Variants in ADAMTS6 observed in about 807,000 individuals in gnomAD.
ADAMTS6 encodes the protein ADAM metallopeptidase with thrombospondin type 1 motif 6.
In ADAMTS6, 23 loss-of-function variants were observed where a neutral mutation model predicts 144.3. The observed-to-expected ratio is 0.16, with a 90% CI of 0.11 to 0.23. ADAMTS6 has a LOEUF of 0.23. Ranked by LOEUF, ADAMTS6 falls within the 10% of genes least tolerant of loss-of-function variation. The probability of loss-of-function intolerance (pLI) is 1.00; values close to 1 mark genes in which losing one functional copy is unlikely to be tolerated. For missense variants in ADAMTS6, 999 were observed against 1,379.6 expected (o/e 0.72, Z 4.37); for synonymous variants, 444 against 457.5 (o/e 0.97, Z 0.38).
At chr5:65,242,348 CA>C in intron 14 of ADAMTS6, 142 bp from the exon 15 acceptor site, 8 of 526,696 alleles carry the variant, frequency 1.5e-5, no homozygotes, top group Non-Finnish European at 2.6e-5. Flanking sequence ...TACTGTTTTA[CA>C]ATCCGTATTC....
intron 7 of ADAMTS6, among the ~76,000 whole-genome samples, chr5:65,411,578 A>T (rs927064449): frequency 6.6e-6 from 1 of 152,104 alleles, no homozygotes; most frequent in Non-Finnish European, 1.5e-5. Flanking sequence ...TGGTCCCTGT[A>T]TGTCTCAAAC....
chr5:65,370,872 C>G (rs1365333721), intron 7 of ADAMTS6, among the ~76,000 whole-genome samples: 2 of 152,218 alleles, frequency 1.3e-5, no homozygotes, highest in African/African-American at 2.4e-5. Flanking sequence ...TTAAATGTCC[C>G]TGTCTGACAG....
intron 7 of ADAMTS6, among the ~76,000 whole-genome samples, chr5:65,418,890 C>A (rs777366584): frequency 1.1e-4 from 16 of 151,832 alleles, no homozygotes; most frequent in Non-Finnish European, 2.1e-4. Context: ...TTTAAAAAAA[C>A]CAAAACAACA....
chr5:65,254,088 G>A (rs567718063), intron 14 of ADAMTS6, among the ~76,000 whole-genome samples: 13 of 151,882 alleles, frequency 8.6e-5, no homozygotes, highest in Non-Finnish European at 1.6e-4. Flanking sequence ...CAAGTGATCT[G>A]CTCACCTTGG....
At chr5:65,323,628 T>C (rs1162685421) in intron 9 of ADAMTS6, among the ~76,000 whole-genome samples, 2 of 152,152 alleles carry the variant, frequency 1.3e-5, no homozygotes, top group South Asian at 2.1e-4. Flanking sequence ...TTTGGGTATA[T>C]ACCCAGTAAT....
At chr5:65,397,082 G>A (rs914600797) in intron 7 of ADAMTS6, among the ~76,000 whole-genome samples, 5 of 152,126 alleles carry the variant, frequency 3.3e-5, no homozygotes, top group Admixed American at 2.6e-4. Flanking sequence ...TGTCTTTCAA[G>A]GAATTAGTAC....
rs535333702 is a variant in ADAMTS6, at chr5:65,273,516, T to A, written c.1513-69A>T. On this transcript the variant is annotated intron_variant, in intron 11 of 24. Transcript: ENST00000381055. ...GTCCAATTCTTCCATAAAATACACTTACAGTCACTCTGCATTACTTTCAAG... is the reference window on the plus strand; with the variant it reads ...GTCCAATTCTTCCATAAAATACACTAACAGTCACTCTGCATTACTTTCAAG... 4.8e-6 allele frequency: 6 copies of A among 1,254,824 alleles called. No homozygotes were observed. In the South Asian group the frequency reaches 7.5e-5, roughly 16 times the overall value. The allele number at this position is 1,254,824 out of a possible 1,614,324, so 77.7% of individuals were successfully genotyped here.
At chr5:65,160,137 G>A (rs762351950) in intron 24 of ADAMTS6, among the ~76,000 whole-genome samples, 4 of 152,094 alleles carry the variant, frequency 2.6e-5, no homozygotes, top group Non-Finnish European at 4.4e-5. Context: ...GACTATTTTA[G>A]ATCTCAATAC....
At chr5:65,204,731 T>G (rs1223843660) in intron 20 of ADAMTS6, among the ~76,000 whole-genome samples, 1 of 152,256 alleles carries the variant, frequency 6.6e-6, no homozygotes, top group Non-Finnish European at 1.5e-5. Context: ...AGTCATTTTT[T>G]TATAGGGGAT....
At chr5:65,420,375 A>G (rs774877773) in intron 7 of ADAMTS6, among the ~76,000 whole-genome samples, 9 of 152,288 alleles carry the variant, frequency 5.9e-5, no homozygotes, top group Non-Finnish European at 1.3e-4. Context: ...TATGGTATAT[A>G]AATTCGATCT....
chr5:65,285,156 A>AT (rs1001331626), intron 11 of ADAMTS6, among the ~76,000 whole-genome samples: 7 of 152,196 alleles, frequency 4.6e-5, no homozygotes, highest in African/African-American at 1.4e-4. Flanking sequence ...AAGACATAAT[A>AT]TGCCTTAGAC....
intron 18 of ADAMTS6, among the ~76,000 whole-genome samples, chr5:65,216,644 T>C (rs557956636): frequency 9.2e-5 from 14 of 152,244 alleles, no homozygotes; most frequent in Admixed American, 4.6e-4. Flanking sequence ...AGTTAAATCT[T>C]AAAATGTCAG....
intron 18 of ADAMTS6, among the ~76,000 whole-genome samples, chr5:65,217,170 G>A (rs1479742453): frequency 6.6e-6 from 1 of 152,110 alleles, no homozygotes; most frequent in African/African-American, 2.4e-5. Context: ...ATAGGAACAA[G>A]CAAATAGAAG....
rs547333862 is a variant in ADAMTS6 at position 65,334,196 on chromosome 5, T to G, written c.1074-111A>C. 38 of 1,220,840 alleles carry G rather than the reference T, an allele frequency of 3.1e-5. No homozygotes were observed. The African/African-American group carries it at 5.1e-4, about 17-fold the overall frequency. The allele number at this position is 1,220,840 out of a possible 1,614,324, so 75.6% of individuals were successfully genotyped here. ...TGTCAGACCACAATTAATGCAATTA[T>G]GAGCAATCAACTGGAGTGTCGGCAT... On this transcript the variant is annotated intron_variant, in intron 7 of 24. Coordinates refer to ENST00000381055, the MANE Select transcript of ADAMTS6 (RefSeq NM_197941.4).
intron 13 of ADAMTS6, among the ~76,000 whole-genome samples, 194 bp downstream of exon 13, chr5:65,262,623 C>T (rs1195901927): frequency 6.6e-6 from 1 of 152,104 alleles, no homozygotes; most frequent in Non-Finnish European, 1.5e-5. Context: ...TTTTTGGTTA[C>T]ACAATAAGGG....
At chr5:65,320,121 G>A (rs1745459472) in intron 9 of ADAMTS6, among the ~76,000 whole-genome samples, 1 of 152,166 alleles carries the variant, frequency 6.6e-6, no homozygotes, top group African/African-American at 2.4e-5. Flanking sequence ...AGGATTACAG[G>A]CGTAAGCCAT....
At chr5:65,272,342 C>T (rs559255801) in intron 12 of ADAMTS6, among the ~76,000 whole-genome samples, 1 of 152,060 alleles carries the variant, frequency 6.6e-6, no homozygotes, top group African/African-American at 2.4e-5. Context: ...CTATCTGTTT[C>T]AACAATTGTT....
chr5:65,199,914 A>G (rs72760503), intron 20 of ADAMTS6, among the ~76,000 whole-genome samples: 6,331 of 152,252 alleles, frequency 0.042, 188 homozygotes, highest in Admixed American at 0.061. Flanking sequence ...TTAGGTGTTC[A>G]TTTTAGCTTC....
chr5:65,199,586 A>T (rs1403135081), intron 20 of ADAMTS6, among the ~76,000 whole-genome samples: 1 of 152,204 alleles, frequency 6.6e-6, no homozygotes, highest in Non-Finnish European at 1.5e-5. Context: ...AAACTGACCC[A>T]TAGTCCAATA....
Sources: gnomAD v4.1 joint callset for allele counts (sites outside exome capture counted in the v4.1 genomes callset) on GRCh38, gnomAD v4.1.1 for gene constraint, MANE v1.5 for transcripts, NCBI Gene and HGNC (gene_info 2026-07-23, HGNC 2026-07-21) for gene names.